Variants in DCP1B observed in about 807,000 individuals in gnomAD.
DCP1B encodes decapping mRNA 1B.
Under a neutral mutation model 60.5 loss-of-function variants are expected in DCP1B, and 47 were observed. The observed-to-expected ratio is 0.78, with a 90% CI of 0.61 to 0.99. The LOEUF (loss-of-function observed/expected upper bound fraction) is 0.99. DCP1B is among the 50% of genes least tolerant of loss of function. The probability of loss-of-function intolerance (pLI) is 0.00; values close to 1 mark genes in which losing one functional copy is unlikely to be tolerated. For missense variants in DCP1B, 725 were observed against 756.8 expected (o/e 0.96, Z 0.49); for synonymous variants, 267 against 280.3 (o/e 0.95, Z 0.47).
At chr12:1,996,650 A>C (rs1333469463) in intron 2 of DCP1B, among the ~76,000 whole-genome samples, 4 of 43,438 alleles carry the variant, frequency 9.2e-5, no homozygotes, top group African/African-American at 2.6e-4. Context: ...AAAAAAAAAA[A>C]AAAAACAACA....
intron 3 of DCP1B, chr12:1,991,827 A>G (rs1042757159): frequency 1.3e-5 from 2 of 154,314 alleles, no homozygotes. Flanking sequence ...TATGTGATCT[A>G]TAATAAGAAT....
At chr12:1,984,227 G>GT (rs2036986760) in intron 3 of DCP1B, among the ~76,000 whole-genome samples, 1 of 151,926 alleles carries the variant, frequency 6.6e-6, no homozygotes, top group Non-Finnish European at 1.5e-5. Context: ...TACATGTAAC[G>GT]TAACTACCGA....
chr12:1,970,926 G>A (rs1029741656), intron 3 of DCP1B: 2 of 370,486 alleles, frequency 5.4e-6, no homozygotes, highest in South Asian at 2.4e-5. Context: ...GATACGATAC[G>A]GCCATGTCAA....
In DCP1B at chr12:2,004,296, G is replaced by A. The variant is rs1029067751; in HGVS notation, c.136C>T (p.Arg46Trp). 6 of 1,613,068 alleles carry A rather than the reference G, an allele frequency of 3.7e-6. No homozygotes were observed. Among genetic ancestry groups the A allele is most frequent in the Admixed American group, 1.7e-5 (1 of 59,978 alleles). Reference sequence around the variant, plus strand: ...TCCGCACGCACCCACTCGTTGGCCCGATGGCCGAAGGTGTACAGAGCCACC... The same window carrying A: ...TCCGCACGCACCCACTCGTTGGCCCAATGGCCGAAGGTGTACAGAGCCACC... ...SQVALYTFGHRANEWEKTDVE... is the reference protein window; with the variant it reads ...SQVALYTFGHWANEWEKTDVE... Residue 46 changes from arginine (R) to tryptophan (W), a missense_variant, in exon 1 of 9, where the codon CGG (arginine) becomes TGG (tryptophan). By Grantham distance (101) the Arg-to-Trp change is moderately radical. Coordinates refer to ENST00000280665, the MANE Select transcript of DCP1B (RefSeq NM_152640.5).
At chr12:1,957,316 T>C (rs2030918979) in intron 5 of DCP1B, among the ~76,000 whole-genome samples, 1 of 152,236 alleles carries the variant, frequency 6.6e-6, no homozygotes, top group South Asian at 2.1e-4. Context: ...AAGTATGTCA[T>C]ATAATCCAGT....
At chr12:1,959,432 T>C (rs752585381) in intron 5 of DCP1B, among the ~76,000 whole-genome samples, 51 of 152,182 alleles carry the variant, frequency 3.4e-4, no homozygotes, top group Non-Finnish European at 2.5e-4. Context: ...ACAAAGGGCC[T>C]GAGTGGACAT....
chr12:1,993,845 A>C (rs1216139039), intron 2 of DCP1B, among the ~76,000 whole-genome samples: 1 of 152,246 alleles, frequency 6.6e-6, no homozygotes, highest in Non-Finnish European at 1.5e-5. Flanking sequence ...ATTTTCATAG[A>C]AAATTTTAAG....
In DCP1B at chr12:1,952,877, G is replaced by T; in HGVS notation, c.1063C>A (p.Leu355Met). ...GVQNASRTQN[L>M]FEKLQSTPGA... ...GGGGTACTCTGAAGTTTCTCGAACA[G>T]GTTCTGAGTTCTGGAAGCATTTTGT... Residue 355 changes from leucine to methionine, a missense_variant, in exon 7 of 9, where the codon CTG becomes ATG. Coordinates refer to ENST00000280665, the MANE Select transcript of DCP1B (RefSeq NM_152640.5). The T allele has an allele frequency of 1.2e-6, 2 of 1,614,210 alleles. No individual in the cohort carries two copies.
intron 4 of DCP1B, 130 bp downstream of exon 4, chr12:1,967,714 G>T: frequency 1.4e-6 from 1 of 719,508 alleles, no homozygotes; most frequent in Non-Finnish European, 2.3e-6. Context: ...AATACTAAAT[G>T]TCTGCCTAAC....
chr12:1,952,458 G>A lies in DCP1B; in HGVS notation c.1482C>T (p.Ile494=). The A allele has an allele frequency of 6.2e-7, 1 of 1,609,582 alleles. No individual in the cohort carries two copies. Among genetic ancestry groups the A allele is most frequent in the Non-Finnish European group, 8.5e-7 (1 of 1,176,906 alleles). The change falls in exon 7 of 9, where the codon ATC becomes ATT. Residue 494 remains isoleucine, a synonymous_variant. Transcript: ENST00000280665. The part of the protein sequence containing the change: ...SGTGKPLESW[I]NKTPNTEQQT... ...GCTGTTCTGTGTTGGGTGTCTTGTT[G>A]ATCCAGGATTCCAAGGGTTTCCCTG...
In DCP1B at chr12:1,952,844, C is replaced by G; in HGVS notation, c.1096G>C (p.Ala366Pro). 1 of 1,614,200 alleles carries G rather than the reference C, an allele frequency of 6.2e-7. No individual in the cohort carries two copies. The change falls in exon 7 of 9, where the codon GCA becomes CCA. Residue 366 changes from alanine (A) to proline (P), a missense_variant. Coordinates refer to ENST00000280665, the MANE Select transcript of DCP1B (RefSeq NM_152640.5). ...GGTGTACTAGGGTCACACTTGTTTG[C>G]TGCCCCTGGGGTACTCTGAAGTTTC... The part of the protein sequence containing the change: ...FEKLQSTPGA[A>P]NKCDPSTPAP...
At chr12:1,990,177 T>C (rs2038997960) in intron 3 of DCP1B, among the ~76,000 whole-genome samples, 1 of 152,206 alleles carries the variant, frequency 6.6e-6, no homozygotes, top group Admixed American at 6.5e-5. Context: ...AGTATTCTCA[T>C]TTATAAAACA....
At chr12:1,967,016 G>C (rs1434184223) in intron 4 of DCP1B, among the ~76,000 whole-genome samples, 1 of 152,166 alleles carries the variant, frequency 6.6e-6, no homozygotes, top group Non-Finnish European at 1.5e-5. Flanking sequence ...CCCAGGCTGT[G>C]ACACAGCACG....
chr12:1,997,063 T>A (rs2041103186), intron 2 of DCP1B, among the ~76,000 whole-genome samples: 1 of 152,206 alleles, frequency 6.6e-6, no homozygotes. Flanking sequence ...ATACATAATG[T>A]ATGTCTCTAT....
intron 4 of DCP1B, among the ~76,000 whole-genome samples, chr12:1,966,492 A>G (rs1280271664): frequency 6.6e-6 from 1 of 152,214 alleles, no homozygotes; most frequent in Non-Finnish European, 1.5e-5. Flanking sequence ...TTACGGTAAC[A>G]AAGATCTGAG....
intron 3 of DCP1B, among the ~76,000 whole-genome samples, chr12:1,979,312 ATT>A (rs1333903282): frequency 7.2e-6 from 1 of 138,830 alleles, no homozygotes; most frequent in Non-Finnish European, 1.5e-5. Flanking sequence ...CAGCGCCTGG[ATT>A]TTTTGTTTGT....
chr12:1,983,817 C>T (rs550303998), intron 3 of DCP1B, among the ~76,000 whole-genome samples: 2 of 151,796 alleles, frequency 1.3e-5, no homozygotes, highest in Non-Finnish European at 2.9e-5. Flanking sequence ...AAGTGGAGCA[C>T]TAAATTCTCC....
chr12:1,942,737 A>G (rs1365034021), downstream of DCP1B, among the ~76,000 whole-genome samples: 1 of 152,230 alleles, frequency 6.6e-6, no homozygotes, highest in Non-Finnish European at 1.5e-5. Context: ...AGTTCTTTGA[A>G]ACCAGGGAAA....
rs142646967 is a variant in DCP1B at position 2,002,998 on chromosome 12, C to G, written c.150+1284G>C. ...TTCTCCTGATCAAGAGGTACACTTT[C>G]TATTACAGAAGAACGAATATTAAAG... On this transcript the variant is annotated intron_variant, in intron 1 of 8. Transcript: ENST00000280665. 1.5e-3 allele frequency among the ~76,000 whole-genome samples: 229 copies of G among 152,252 alleles called. 1 individual carries two copies. Among genetic ancestry groups the G allele is most frequent in the African/African-American group, 5.3e-3 (222 of 41,558 alleles).
Sources: allele counts gnomAD v4.1 joint callset (sites outside exome capture counted in the v4.1 genomes callset), GRCh38; gene constraint gnomAD v4.1.1; transcripts MANE v1.5; gene names NCBI Gene and HGNC (gene_info 2026-07-23, HGNC 2026-07-21).